Variants in CEP128 observed in about 807,000 individuals in gnomAD.
The protein encoded by CEP128 is centrosomal protein 128kDa.
CEP128 carries 132 observed loss-of-function variants against 156.7 expected under a neutral mutation model. That is an observed-to-expected ratio of 0.84 (90% CI 0.73 to 0.97). CEP128 has a LOEUF of 0.97. Ranked by LOEUF, CEP128 falls within the 50% of genes least tolerant of loss-of-function variation. The pLI is 0.00. For synonymous variants in CEP128, 469 were observed against 448.9 expected (o/e 1.04, Z -0.57); for missense variants, 1,252 against 1,281.9 (o/e 0.98, Z 0.36).
chr14:80,917,212 C>G (rs774927728), intron 2 of CEP128, among the ~76,000 whole-genome samples: 2 of 152,186 alleles, frequency 1.3e-5, no homozygotes, highest in African/African-American at 2.4e-5. Flanking sequence ...AGATAATTCT[C>G]TAAACATGCT....
intron 12 of CEP128, 78 bp from the exon 13 acceptor site, chr14:80,831,372 G>T: frequency 7.1e-7 from 1 of 1,398,692 alleles, no homozygotes; most frequent in Non-Finnish European, 9.9e-7. Context: ...ACTGAGCCCT[G>T]ATGTTTCAAT....
chr14:80,491,965 C>T (rs2140159891), downstream of CEP128, among the ~76,000 whole-genome samples: 1 of 152,276 alleles, frequency 6.6e-6, no homozygotes. Context: ...ATTCCCTTAT[C>T]CAGCTAAGTG....
chr14:80,696,971 C>T (rs1243582989), intron 19 of CEP128, among the ~76,000 whole-genome samples: 1 of 151,926 alleles, frequency 6.6e-6, no homozygotes, highest in Non-Finnish European at 1.5e-5. Flanking sequence ...TGTAAAGGAA[C>T]AAGTTTCCAG....
chr14:80,888,071 T>A (rs985962601), intron 8 of CEP128, among the ~76,000 whole-genome samples: 3 of 152,064 alleles, frequency 2.0e-5, no homozygotes, highest in African/African-American at 4.8e-5. Context: ...CTCCCAAGAC[T>A]AAACCAGGAA....
chr14:80,620,960 A>G (rs144321157), intron 19 of CEP128, among the ~76,000 whole-genome samples: 23 of 152,318 alleles, frequency 1.5e-4, no homozygotes, highest in African/African-American at 5.3e-4. Flanking sequence ...ACAAATAGTA[A>G]AAGTATAAAC....
intron 19 of CEP128, among the ~76,000 whole-genome samples, chr14:80,715,200 G>A (rs1897559683): frequency 6.6e-6 from 1 of 151,808 alleles, no homozygotes; most frequent in South Asian, 2.1e-4. Flanking sequence ...TTGAGCCTGG[G>A]TGACAGAACA....
chr14:80,648,736 C>T (rs917991325), intron 19 of CEP128, among the ~76,000 whole-genome samples: 1 of 152,040 alleles, frequency 6.6e-6, no homozygotes, highest in Admixed American at 6.6e-5. Flanking sequence ...ATTCATCCAA[C>T]TTTAAATTAA....
At chr14:80,744,384 T>C (rs1898989867) in intron 18 of CEP128, among the ~76,000 whole-genome samples, 1 of 152,048 alleles carries the variant, frequency 6.6e-6, no homozygotes, top group African/African-American at 2.4e-5. Flanking sequence ...ATATAAAGTC[T>C]CATCAAAAAC....
chr14:80,554,876 T>C (rs1890362934), intron 21 of CEP128, among the ~76,000 whole-genome samples: 1 of 152,108 alleles, frequency 6.6e-6, no homozygotes, highest in African/African-American at 2.4e-5. Context: ...TAATATCTTA[T>C]GTTGGGTGAT....
intron 18 of CEP128, among the ~76,000 whole-genome samples, chr14:80,756,515 T>A (rs1479500700): frequency 6.6e-6 from 1 of 152,156 alleles, no homozygotes; most frequent in Non-Finnish European, 1.5e-5. Context: ...AGTTTAAATA[T>A]TGCTTTTTTC....
chr14:80,819,106 C>T (rs1326448529), intron 13 of CEP128, among the ~76,000 whole-genome samples: 1 of 152,128 alleles, frequency 6.6e-6, no homozygotes, highest in Non-Finnish European at 1.5e-5. Context: ...GTCCTGGAAG[C>T]TGGAAATCAA....
At chr14:80,937,073 T>C (rs138152698) in intron 2 of CEP128, among the ~76,000 whole-genome samples, 2,917 of 152,276 alleles carry the variant, frequency 0.019, 50 homozygotes, top group African/African-American at 0.039. Flanking sequence ...ATCACAGTAT[T>C]TTGGGAGGCC....
At chr14:80,878,129 C>G (rs936223770) in intron 8 of CEP128, among the ~76,000 whole-genome samples, 3 of 152,150 alleles carry the variant, frequency 2.0e-5, no homozygotes, top group Non-Finnish European at 4.4e-5. Context: ...CCCTGGTCCT[C>G]CAGCATATTA....
chr14:80,877,101 G>T (rs1246423050), intron 8 of CEP128, among the ~76,000 whole-genome samples: 3 of 152,072 alleles, frequency 2.0e-5, no homozygotes, highest in South Asian at 2.1e-4. Context: ...AGAGCTAAAA[G>T]AATTAATTTA....
At chr14:80,831,357 A>G (rs1885788368) in intron 12 of CEP128, 63 bp from the exon 13 acceptor site, 4 of 1,518,746 alleles carry the variant, frequency 2.6e-6, no homozygotes, top group Non-Finnish European at 2.7e-6. Context: ...GTACTTTCAA[A>G]TAGTACTGAG....
chr14:80,675,938 C>T (rs912176861), intron 19 of CEP128, among the ~76,000 whole-genome samples: 10 of 152,104 alleles, frequency 6.6e-5, no homozygotes, highest in African/African-American at 1.7e-4. Flanking sequence ...ACCAATGCCA[C>T]ACTAGTCTTG....
At chr14:80,785,764 T>G (rs1258498226) in intron 14 of CEP128, among the ~76,000 whole-genome samples, 1 of 152,196 alleles carries the variant, frequency 6.6e-6, no homozygotes, top group Non-Finnish European at 1.5e-5. Flanking sequence ...CACTGAAATA[T>G]GTATTTCAAA....
intron 23 of CEP128, among the ~76,000 whole-genome samples, chr14:80,508,506 A>G (rs1044016895): frequency 1.3e-5 from 2 of 152,146 alleles, no homozygotes; most frequent in East Asian, 1.9e-4. Flanking sequence ...TTAGGGTTAT[A>G]TAGTATTTTA....
At chr14:80,498,225 C>T (rs1887581265) in intron 24 of CEP128, among the ~76,000 whole-genome samples, 3 of 152,120 alleles carry the variant, frequency 2.0e-5, no homozygotes, top group African/African-American at 4.8e-5. Flanking sequence ...GCTCTAATGA[C>T]TCTCCCTATC....
Sources: allele counts gnomAD v4.1 joint callset (sites outside exome capture counted in the v4.1 genomes callset), GRCh38; gene constraint gnomAD v4.1.1; transcripts MANE v1.5; gene names NCBI Gene and HGNC (gene_info 2026-07-23, HGNC 2026-07-21).